Variants in CCDC171 observed in about 807,000 individuals in gnomAD.
CCDC171 encodes the protein coiled-coil domain-containing protein 171.
In CCDC171, 177 loss-of-function variants were observed where a neutral mutation model predicts 168.2. The observed-to-expected ratio is 1.05, with a 90% CI of 0.93 to 1.19. The LOEUF (loss-of-function observed/expected upper bound fraction) is 1.19. Ranked by LOEUF, CCDC171 falls within the 50% of genes most tolerant of loss-of-function variation. CCDC171 has a pLI of 0.00. For synonymous variants in CCDC171, 687 were observed against 540.8 expected (o/e 1.27, Z -3.75); for missense variants, 1,991 against 1,539.0 (o/e 1.29, Z -4.91).
At chr9:15,623,219 A>G (rs938029239) in intron 6 of CCDC171, 48 bp from the exon 7 acceptor site, 3 of 1,445,940 alleles carry the variant, frequency 2.1e-6, no homozygotes, top group African/African-American at 1.4e-5. Context: ...ACTCTTAGTC[A>G]TTGATGGCTT....
the CCDC171 span, among the ~76,000 whole-genome samples, chr9:16,074,723 G>A: frequency 2.6e-5 from 4 of 152,162 alleles, no homozygotes; most frequent in South Asian, 6.2e-4. Context: ...AACAACAAAT[G>A]TTAGAGTTTG....
chr9:15,809,268 G>C (rs1323998646), intron 21 of CCDC171, among the ~76,000 whole-genome samples: 1 of 152,132 alleles, frequency 6.6e-6, no homozygotes, highest in Non-Finnish European at 1.5e-5. Flanking sequence ...GTATGTAGTG[G>C]AGTCTAGTGT....
At chr9:15,610,469 A>AAAAAAAAAAAAAC (rs2043589318) in intron 6 of CCDC171, among the ~76,000 whole-genome samples, 1 of 136,272 alleles carries the variant, frequency 7.3e-6, no homozygotes, top group Non-Finnish European at 1.6e-5. Flanking sequence ...AAAAAAAAAA[A>AAAAAAAAAAAAAC]AAAAAAAAAA....
chr9:15,790,606 T>C (rs1237871935), intron 21 of CCDC171, among the ~76,000 whole-genome samples: 6 of 152,342 alleles, frequency 3.9e-5, no homozygotes, highest in African/African-American at 1.4e-4. Context: ...TTTAATTAGA[T>C]CCCATTTGTC....
Position 15,878,928 on chromosome 9 carries a change from C to T in CCDC171, c.3600+4265C>T, listed in dbSNP as rs894696637. Among the ~76,000 whole-genome samples, 4 of 152,142 alleles carry T rather than the reference C, an allele frequency of 2.6e-5. No individual in the cohort carries two copies. The East Asian group carries it at 7.7e-4, about 29-fold the overall frequency. ...GTAAGTGGGAGCTAAATGATGAGAA[C>T]ACATGGACACAAAGAGGGGAACAAT... On this transcript the variant is annotated intron_variant, in intron 24 of 25. Coordinates refer to ENST00000380701, the MANE Select transcript of CCDC171 (RefSeq NM_173550.4).
chr9:15,910,091 GC>G (rs1462949942), intron 24 of CCDC171, among the ~76,000 whole-genome samples: 1 of 151,652 alleles, frequency 6.6e-6, no homozygotes, highest in Non-Finnish European at 1.5e-5. Flanking sequence ...ACTTATAATG[GC>G]CTTAATTATA....
rs55940358 is a variant in CCDC171, at chr9:15,581,751, C to G, written c.352+2728C>G. On this transcript the variant is annotated intron_variant, in intron 4 of 25. Coordinates refer to ENST00000380701, the MANE Select transcript of CCDC171 (RefSeq NM_173550.4). ...ATATGCAGAAAGCTGAAACTGGAAC[C>G]CTTCCTTACACCTTACACAAAAATT... Among the ~76,000 whole-genome samples the G allele has an allele frequency of 7.9e-3, 1,199 of 152,162 alleles. 15 individuals are homozygous for G. The highest frequency in any genetic ancestry group is 0.012 in the Non-Finnish European group (801 of 68,022).
chr9:15,563,170 C>G (rs1313315333), intron 1 of CCDC171, among the ~76,000 whole-genome samples: 1 of 146,214 alleles, frequency 6.8e-6, no homozygotes, highest in Non-Finnish European at 1.5e-5. Context: ...CGGAGTTTCT[C>G]TCTTGTTGGC....
chr9:16,098,711 T>C, the CCDC171 span, among the ~76,000 whole-genome samples: 41 of 152,366 alleles, frequency 2.7e-4, no homozygotes, highest in African/African-American at 9.6e-4. Flanking sequence ...CTGTCTCAAT[T>C]CACAACCAGT....
At chr9:15,560,961 G>A (rs2039252504) in intron 1 of CCDC171, among the ~76,000 whole-genome samples, 2 of 152,132 alleles carry the variant, frequency 1.3e-5, no homozygotes, top group South Asian at 4.1e-4. Flanking sequence ...ACCCTCAGCT[G>A]CAGGTCTGTT....
intron 7 of CCDC171, among the ~76,000 whole-genome samples, chr9:15,655,819 A>G (rs979855029): frequency 4.6e-5 from 7 of 152,196 alleles, no homozygotes; most frequent in African/African-American, 1.7e-4. Flanking sequence ...GCTCAGTGTC[A>G]TTAGTCATTG....
intron 16 of CCDC171, among the ~76,000 whole-genome samples, chr9:15,741,802 T>C (rs556241681): frequency 1.3e-5 from 2 of 152,294 alleles, no homozygotes; most frequent in Admixed American, 1.3e-4. Flanking sequence ...ACACACCAAA[T>C]ACAATGTTAA....
At chr9:15,671,895 A>G (rs550059552) in intron 9 of CCDC171, among the ~76,000 whole-genome samples, 3 of 152,290 alleles carry the variant, frequency 2.0e-5, no homozygotes, top group South Asian at 4.1e-4. Flanking sequence ...GTCAAGTGGT[A>G]TTTCTAGTTC....
chr9:16,054,422 C>T (rs1332154467), intron 1 of CCDC171, among the ~76,000 whole-genome samples: 2 of 152,096 alleles, frequency 1.3e-5, no homozygotes, highest in Non-Finnish European at 2.9e-5. Flanking sequence ...AGTGAATTCT[C>T]AAGGACTCGT....
chr9:15,999,739 T>C (rs1355157088), intron 3 of CCDC171, among the ~76,000 whole-genome samples: 2 of 152,180 alleles, frequency 1.3e-5, no homozygotes, highest in Non-Finnish European at 2.9e-5. Context: ...CTATCTTCTC[T>C]TTTATGGGCC....
At chr9:16,037,952 A>G (rs1004599274), upstream of CCDC171, among the ~76,000 whole-genome samples, 1 of 152,224 alleles carries the variant, frequency 6.6e-6, no homozygotes, top group Non-Finnish European at 1.5e-5. Flanking sequence ...TTCAGGAAGT[A>G]CAGTAAGTCA....
chr9:15,938,893 A>G (rs913665607), intron 25 of CCDC171, among the ~76,000 whole-genome samples: 2 of 151,900 alleles, frequency 1.3e-5, no homozygotes, highest in Admixed American at 1.3e-4. Context: ...GTTTGAAAAA[A>G]TAATGCCATA....
At chr9:15,742,905 G>T (rs1442073708) in intron 16 of CCDC171, among the ~76,000 whole-genome samples, 1 of 151,688 alleles carries the variant, frequency 6.6e-6, no homozygotes, top group Non-Finnish European at 1.5e-5. Flanking sequence ...CTCTTGAGTA[G>T]CTAGAACTAT....
At chr9:15,874,435 C>A in intron 23 of CCDC171, 97 bp from the exon 24 acceptor site, 2 of 959,178 alleles carry the variant, frequency 2.1e-6, no homozygotes, top group South Asian at 2.9e-5. Context: ...GTCCAGCGAT[C>A]AATGCAAGTC....
Sources: allele counts gnomAD v4.1 joint callset (sites outside exome capture counted in the v4.1 genomes callset), GRCh38; gene constraint gnomAD v4.1.1; transcripts MANE v1.5; gene names NCBI Gene and HGNC (gene_info 2026-07-23, HGNC 2026-07-21).